Variants in XPNPEP1 observed in about 807,000 individuals in gnomAD.
XPNPEP1 encodes xaa-Pro aminopeptidase 1.
In XPNPEP1, 39 loss-of-function variants were observed where a neutral mutation model predicts 92.4. The observed-to-expected ratio is 0.42, with a 90% confidence interval of 0.33 to 0.55. The LOEUF is 0.55. Among genes scored for constraint, XPNPEP1 ranks in the 20% least tolerant of loss-of-function variants. The pLI is 0.08. For missense variants in XPNPEP1, 654 were observed against 856.1 expected (o/e 0.76, Z 2.95); for synonymous variants, 307 against 299.4 (o/e 1.03, Z -0.26).
At chr10:109,908,440 A>G (rs915668191) in intron 2 of XPNPEP1, among the ~76,000 whole-genome samples, 5 of 151,892 alleles carry the variant, frequency 3.3e-5, no homozygotes, top group Non-Finnish European at 7.4e-5. Flanking sequence ...CCGTCTCTAC[A>G]AAATATAAAA....
chr10:109,907,810 T>C lies in XPNPEP1; in HGVS notation c.127A>G (p.Arg43Gly). 1 of 1,614,170 alleles carries C rather than the reference T, an allele frequency of 6.2e-7. No homozygotes were observed. The highest frequency in any genetic ancestry group is 1.1e-5 in the South Asian group (1 of 91,088). ...SGDTGVETDGRMPPKVTSELL... is the reference protein window; with the variant it reads ...SGDTGVETDGGMPPKVTSELL... ...TCTGAAGTCACCTTTGGAGGCATTC[T>C]GCCGTCTGCAACAACAGGAGAGCAA... Residue 43 changes from arginine (R) to glycine (G), a missense_variant, in exon 3 of 21, where the codon AGA (arginine) becomes GGA (glycine). Arg to Gly is a moderately radical substitution (Grantham distance 125, BLOSUM62 -2). Transcript: ENST00000502935.
intron 3 of XPNPEP1, among the ~76,000 whole-genome samples, chr10:109,894,361 T>G (rs561396282): frequency 6.6e-6 from 1 of 151,896 alleles, no homozygotes; most frequent in African/African-American, 2.4e-5. Context: ...TGAAACCTCA[T>G]GTCTACAAAA....
intron 7 of XPNPEP1, among the ~76,000 whole-genome samples, chr10:109,886,737 A>C (rs1848412801): frequency 6.6e-6 from 1 of 152,228 alleles, no homozygotes; most frequent in Non-Finnish European, 1.5e-5. Context: ...CACTACTGTA[A>C]ATACTGATGC....
rs1450275348 is a variant in XPNPEP1, at chr10:109,875,576, G to C, written c.1343C>G (p.Thr448Ser). 2 of 1,614,072 alleles carry C rather than the reference G, an allele frequency of 1.2e-6. No individual in the cohort carries two copies. The highest frequency in any genetic ancestry group is 2.2e-5 in the South Asian group (2 of 91,078). Residue 448 changes from threonine to serine, a missense_variant, in exon 15 of 21, where the codon ACC becomes AGC. Transcript: ENST00000502935. ...HYAPVPETNR[T>S]LSLDEVYLID... is the part of the protein sequence containing the mutation. ...AAGGTACACCTCATCCAGGGACAAG[G>C]TCCTATTCGTCTCAGGGACTGGCCT...
intron 2 of XPNPEP1, among the ~76,000 whole-genome samples, chr10:109,909,258 G>C (rs926586461): frequency 1.3e-5 from 2 of 152,042 alleles, no homozygotes; most frequent in African/African-American, 4.8e-5. Flanking sequence ...GCAACAGAGT[G>C]AGACTCTGTC....
chr10:109,899,989 TA>T (rs1849195429), intron 3 of XPNPEP1, among the ~76,000 whole-genome samples: 1 of 152,174 alleles, frequency 6.6e-6, no homozygotes, highest in Admixed American at 6.5e-5. Flanking sequence ...TTCCTTGCTA[TA>T]AAAGTCCCCC....
intron 1 of XPNPEP1, among the ~76,000 whole-genome samples, chr10:109,919,659 C>A (rs1472399313): frequency 6.6e-6 from 1 of 152,186 alleles, no homozygotes; most frequent in Non-Finnish European, 1.5e-5. Flanking sequence ...AACAGCCAAA[C>A]TGTAGGAACA....
chr10:109,884,017 G>A, intron 9 of XPNPEP1, 50 bp downstream of exon 9: 1 of 1,568,712 alleles, frequency 6.4e-7, no homozygotes, highest in Non-Finnish European at 8.7e-7. Context: ...GGCACACTAG[G>A]GCTCTGAGGA....
At position 109,882,612 on chromosome 10, in the gene XPNPEP1, G is replaced by T; in HGVS notation, c.861C>A (p.Ala287=). The T allele has an allele frequency of 1.2e-6, 2 of 1,614,164 alleles. No individual in the cohort carries two copies. The highest frequency in any genetic ancestry group is 1.7e-6 in the Non-Finnish European group (2 of 1,180,014). ...GAAGCAGGTGCTCCTTCACACTGGG[G>T]GCGTCTATGCGGTCACCATCAATGA... ...MLFIDGDRID[A]PSVKEHLLLD... Residue 287 remains alanine (A), a synonymous_variant, in exon 10 of 21, where the codon GCC becomes GCA. Coordinates refer to ENST00000502935, the MANE Select transcript of XPNPEP1 (RefSeq NM_020383.4).
intron 2 of XPNPEP1, among the ~76,000 whole-genome samples, chr10:109,909,327 G>A (rs1047985821): frequency 7.9e-5 from 12 of 152,058 alleles, no homozygotes; most frequent in African/African-American, 2.7e-4. Flanking sequence ...GTTTTCAAAC[G>A]AAGTCCCAAG....
chr10:109,895,660 G>T (rs1482942549), intron 3 of XPNPEP1, among the ~76,000 whole-genome samples: 1 of 152,244 alleles, frequency 6.6e-6, no homozygotes, highest in Non-Finnish European at 1.5e-5. Context: ...ACGCCCAGGG[G>T]CGGTCTCCTT....
In XPNPEP1 at chr10:109,894,164, A is replaced by G. The variant is rs192969363; in HGVS notation, c.247-1089T>C. 520 of 152,370 alleles carry G rather than the reference A, an allele frequency of 3.4e-3. 7 individuals carry two copies. Among genetic ancestry groups the G allele is most frequent in the Non-Finnish European group, 3.2e-3 (217 of 68,070 alleles). The allele number at this position is 152,370 out of a possible 1,614,324, so 9.4% of individuals were successfully genotyped here. On this transcript the variant is annotated intron_variant, in intron 3 of 20. Coordinates refer to ENST00000502935, the MANE Select transcript of XPNPEP1 (RefSeq NM_020383.4). The stretch of plus-strand genomic sequence containing the variant: ...GGAATGGGGCTGCTGGCCAGACCCA[A>G]GGCATTTTTAGGACAGTCAACATGA...
At chr10:109,917,565 T>A (rs983342348) in intron 1 of XPNPEP1, among the ~76,000 whole-genome samples, 20 of 152,198 alleles carry the variant, frequency 1.3e-4, no homozygotes, top group Non-Finnish European at 2.6e-4. Context: ...AATTGATCTA[T>A]GGACTCAATG....
At position 109,923,448 on chromosome 10, in the gene XPNPEP1, C is replaced by A; in HGVS notation, c.-15G>T. ...GAGGCTGCCATTCGGCGGTGACGTG[C>A]CCCAGCCCACGTCAGGGGAGCGCAG... is the stretch of plus-strand genomic sequence containing the variant. On this transcript the variant is annotated 5_prime_UTR_variant, in exon 1 of 21. Transcript: ENST00000502935. 1.4e-6 allele frequency: 2 copies of A among 1,431,186 alleles called. No individual in the cohort carries two copies. The highest frequency in any genetic ancestry group is 9.2e-7 in the Non-Finnish European group (1 of 1,090,642). The allele number at this position is 1,431,186 out of a possible 1,614,324, so 88.7% of individuals were successfully genotyped here.
chr10:109,907,608 G>A, intron 3 of XPNPEP1, 83 bp downstream of exon 3: 1 of 1,580,828 alleles, frequency 6.3e-7, no homozygotes, highest in Non-Finnish European at 8.6e-7. Context: ...CTGGTTGTGG[G>A]TTGACAATTA....
intron 5 of XPNPEP1, among the ~76,000 whole-genome samples, chr10:109,890,591 TGTGAGAGAGAGA>T (rs1181980241): frequency 2.5e-4 from 23 of 91,362 alleles, no homozygotes; most frequent in African/African-American, 9.1e-4. Context: ...TGTGTGTGTG[TGTGAGAGAGAGA>T]GAGAGAGAGA....
chr10:109,877,466 CAAA>C (rs11403472), intron 14 of XPNPEP1: 4 of 222,270 alleles, frequency 1.8e-5, no homozygotes, highest in East Asian at 1.0e-4. Flanking sequence ...ACCTTGTCTC[CAAA>C]AAAAAAAAAA....
chr10:109,909,301 G>T (rs916621687), intron 2 of XPNPEP1, among the ~76,000 whole-genome samples: 2 of 152,098 alleles, frequency 1.3e-5, no homozygotes, highest in African/African-American at 2.4e-5. Flanking sequence ...TATGGCGGGA[G>T]TGGATGAGAC....
chr10:109,871,417 C>G (rs1212798736), intron 17 of XPNPEP1, among the ~76,000 whole-genome samples: 3 of 152,142 alleles, frequency 2.0e-5, no homozygotes, highest in Non-Finnish European at 4.4e-5. Context: ...AAAATAAATC[C>G]TAAGAATCCC....
Sources: gnomAD v4.1 joint callset for allele counts (sites outside exome capture counted in the v4.1 genomes callset) on GRCh38, gnomAD v4.1.1 for gene constraint, MANE v1.5 for transcripts, NCBI Gene and HGNC (gene_info 2026-07-23, HGNC 2026-07-21) for gene names.